HIVEP3: variants seen among roughly 807,000 people sequenced by gnomAD.
HIVEP3 encodes HIVEP zinc finger 3.
Under a neutral mutation model 152.8 loss-of-function variants are expected in HIVEP3, and 49 were observed. The observed-to-expected ratio is 0.32, with a 90% confidence interval of 0.26 to 0.41. The LOEUF (loss-of-function observed/expected upper bound fraction) is 0.41, where lower values mean the gene tolerates loss of function less well. Ranked by LOEUF, HIVEP3 falls within the 10% of genes least tolerant of loss-of-function variation. The pLI is 1.00. For synonymous variants in HIVEP3, 1,269 were observed against 1,289.0 expected, an observed-to-expected ratio of 0.98 and a Z score of 0.33; for missense variants, 2,790 against 3,103.3, an observed-to-expected ratio of 0.90 and a Z score of 2.40.
At chr1:41,640,299 T>G (rs1645353049) in intron 2 of HIVEP3, among the ~76,000 whole-genome samples, 1 of 151,314 alleles carries the variant, frequency 6.6e-6, no homozygotes, top group Non-Finnish European at 1.5e-5. Flanking sequence ...GGAAGGTAGG[T>G]GTGGGAGGAG....
At chr1:41,824,118 C>T (rs1270159880) in intron 1 of HIVEP3, among the ~76,000 whole-genome samples, 1 of 152,112 alleles carries the variant, frequency 6.6e-6, no homozygotes, top group Non-Finnish European at 1.5e-5. Context: ...GGAGTGAGTG[C>T]TTGCATATCA....
At chr1:41,858,551 T>A (rs771983365) in intron 1 of HIVEP3, among the ~76,000 whole-genome samples, 1 of 152,190 alleles carries the variant, frequency 6.6e-6, no homozygotes, top group Non-Finnish European at 1.5e-5. Context: ...GTGCTCATCA[T>A]CCCTCATTTA....
chr1:41,561,967 A>T (rs536413530), intron 5 of HIVEP3, among the ~76,000 whole-genome samples: 1 of 152,332 alleles, frequency 6.6e-6, no homozygotes, highest in Admixed American at 6.5e-5. Flanking sequence ...CTTAGCCTGA[A>T]GAAAATCAGA....
intron 3 of HIVEP3, among the ~76,000 whole-genome samples, chr1:41,627,500 C>G (rs1232743932): frequency 6.6e-6 from 1 of 152,148 alleles, no homozygotes; most frequent in Non-Finnish European, 1.5e-5. Context: ...TCAGGAGAAC[C>G]CTGGTCTAGG....
At chr1:41,527,737 C>A (rs1643042890) in intron 5 of HIVEP3, among the ~76,000 whole-genome samples, 1 of 147,716 alleles carries the variant, frequency 6.8e-6, no homozygotes, top group South Asian at 2.2e-4. Flanking sequence ...CACACATGCA[C>A]CCTACACCCT....
intron 1 of HIVEP3, among the ~76,000 whole-genome samples, chr1:41,992,571 G>T (rs1445701642): frequency 6.7e-6 from 1 of 148,884 alleles, no homozygotes; most frequent in Non-Finnish European, 1.5e-5. Context: ...TGACCATACT[G>T]CCCAAGGTAA....
At chr1:41,681,401 T>C (rs12753831) in intron 2 of HIVEP3, among the ~76,000 whole-genome samples, 1,733 of 152,298 alleles carry the variant, frequency 0.011, 17 homozygotes, top group Middle Eastern at 0.031. Flanking sequence ...GCCTGATCTG[T>C]GTGTTTTATC....
intron 1 of HIVEP3, among the ~76,000 whole-genome samples, chr1:41,853,775 T>C (rs1375357159): frequency 1.3e-5 from 2 of 152,100 alleles, no homozygotes; most frequent in Admixed American, 6.5e-5. Flanking sequence ...GCAGCTTTAG[T>C]TCAGTGGGGT....
At chr1:41,854,659 T>A (rs1174378694) in intron 1 of HIVEP3, among the ~76,000 whole-genome samples, 2 of 106,688 alleles carry the variant, frequency 1.9e-5, no homozygotes, top group Non-Finnish European at 3.7e-5. Flanking sequence ...TATCTCCCAA[T>A]GTTATCCCTC....
intron 1 of HIVEP3, among the ~76,000 whole-genome samples, chr1:41,934,603 A>G (rs1167990026): frequency 6.6e-6 from 1 of 152,174 alleles, no homozygotes; most frequent in African/African-American, 2.4e-5. Context: ...AAGAAGGTAC[A>G]GCAGTTGGTC....
At chr1:41,814,599 T>C (rs1202992500) in intron 1 of HIVEP3, among the ~76,000 whole-genome samples, 2 of 152,232 alleles carry the variant, frequency 1.3e-5, no homozygotes, top group African/African-American at 4.8e-5. Context: ...CCAAACTCTA[T>C]TTCAAAATTA....
At chr1:41,718,104 T>C (rs374545771) in intron 1 of HIVEP3, among the ~76,000 whole-genome samples, 1 of 152,362 alleles carries the variant, frequency 6.6e-6, no homozygotes, top group East Asian at 1.9e-4. Flanking sequence ...CAAGCACGGC[T>C]TCTCCATATG....
At chr1:41,998,827 T>G (rs773141387) in intron 1 of HIVEP3, among the ~76,000 whole-genome samples, 7 of 152,052 alleles carry the variant, frequency 4.6e-5, no homozygotes, top group African/African-American at 9.7e-5. Flanking sequence ...GCCACTCTTA[T>G]TTTGATAGCA....
At chr1:41,966,640 A>AT (rs373102318) in intron 1 of HIVEP3, among the ~76,000 whole-genome samples, 13,887 of 142,364 alleles carry the variant, frequency 0.098, 724 homozygotes, top group South Asian at 0.19. Flanking sequence ...TGCCCAGCTA[A>AT]TTTTTTTTTT....
chr1:41,718,701 C>T (rs1646631664), intron 1 of HIVEP3, among the ~76,000 whole-genome samples: 1 of 152,142 alleles, frequency 6.6e-6, no homozygotes, highest in African/African-American at 2.4e-5. Flanking sequence ...CCATTGCCCT[C>T]CTCTCTCCAT....
At position 41,583,382 on chromosome 1, in the gene HIVEP3, G is replaced by A. The variant is rs1270900761; in HGVS notation, c.1416C>T (p.Asn472=). 3.1e-6 allele frequency: 5 copies of A among 1,613,524 alleles called. No individual in the cohort carries two copies. Among genetic ancestry groups the A allele is most frequent in the South Asian group, 1.1e-5 (1 of 91,008 alleles). Reference sequence around the variant, plus strand: ...TCTCGCTGGTGTCCACCACGGCCTCGTTGATGGTGATGAGCTTCGTGATGT... The same window carrying A: ...TCTCGCTGGTGTCCACCACGGCCTCATTGATGGTGATGAGCTTCGTGATGT... ...IEHITKLITI[N]EAVVDTSEID... is the part of the protein sequence containing the mutation. Residue 472 remains asparagine (N), a synonymous_variant, in exon 4 of 9, where the codon AAC becomes AAT. Transcript: ENST00000372583. This position sits in a 1 kb window ranked among gnomAD's most constrained non-coding sequence, Gnocchi z 6.9.
At chr1:41,849,696 C>CTTT (rs750021881) in intron 1 of HIVEP3, among the ~76,000 whole-genome samples, 4 of 142,508 alleles carry the variant, frequency 2.8e-5, no homozygotes, top group Admixed American at 2.1e-4. Flanking sequence ...AGACCCAAAT[C>CTTT]TTTTTTTTTT....
intron 5 of HIVEP3, among the ~76,000 whole-genome samples, chr1:41,573,276 G>A (rs1371338299): frequency 6.6e-6 from 1 of 152,248 alleles, no homozygotes; most frequent in African/African-American, 2.4e-5. Context: ...AAGGCTGGTG[G>A]AATGGAAGGT....
chr1:41,865,056 C>T (rs971703788), intron 1 of HIVEP3, among the ~76,000 whole-genome samples: 3 of 152,308 alleles, frequency 2.0e-5, no homozygotes, highest in Non-Finnish European at 2.9e-5. Context: ...ACAAACCATC[C>T]CATCATTGGA....
Sources: allele counts gnomAD v4.1 joint callset (sites outside exome capture counted in the v4.1 genomes callset), GRCh38; gene constraint gnomAD v4.1.1; non-coding constraint Gnocchi (gnomAD v3.1); transcripts MANE v1.5; gene names NCBI Gene and HGNC (gene_info 2026-07-23, HGNC 2026-07-21).